SPRYD7: variants seen among roughly 807,000 people sequenced by gnomAD.
SPRYD7 encodes SPRY domain-containing protein 7.
SPRYD7 carries 14 observed loss-of-function variants against 23.8 expected under a neutral mutation model. That is an observed-to-expected ratio of 0.59 (90% CI 0.39 to 0.92). The LOEUF (loss-of-function observed/expected upper bound fraction) is 0.92, where lower values mean the gene tolerates loss of function less well. Ranked by LOEUF, SPRYD7 falls within the 40% of genes least tolerant of loss-of-function variation. The probability of loss-of-function intolerance (pLI) is 0.00; values close to 1 mark genes in which losing one functional copy is unlikely to be tolerated. For synonymous variants in SPRYD7, 75 were observed against 84.9 expected (o/e 0.88, Z 0.64); for missense variants, 194 against 241.7 (o/e 0.80, Z 1.31).
chr13:49,932,976 G>A (rs1425286958), intron 1 of SPRYD7, among the ~76,000 whole-genome samples: 1 of 152,116 alleles, frequency 6.6e-6, no homozygotes, highest in African/African-American at 2.4e-5. Context: ...CAACTGGAGA[G>A]CATCCTCCTT....
intron 1 of SPRYD7, among the ~76,000 whole-genome samples, chr13:49,932,029 T>C (rs1016605050): frequency 2.0e-5 from 3 of 152,254 alleles, no homozygotes; most frequent in African/African-American, 7.2e-5. Context: ...ACTAACTCTT[T>C]TAATTTTTAG....
At chr13:49,933,480 T>C (rs12100038) in intron 1 of SPRYD7, among the ~76,000 whole-genome samples, 26,787 of 151,486 alleles carry the variant, frequency 0.18, 2,704 homozygotes, top group African/African-American at 0.27. Flanking sequence ...TGGGCGCCTA[T>C]AGTCCCAGCT....
At chr13:49,918,122 C>T (rs779351046) in intron 4 of SPRYD7, among the ~76,000 whole-genome samples, 5 of 151,930 alleles carry the variant, frequency 3.3e-5, no homozygotes, top group East Asian at 3.9e-4. Flanking sequence ...TGCAGCGGCA[C>T]GATGATCACT....
Position 49,921,513 on chromosome 13 carries a change from G to C in SPRYD7, c.458C>G (p.Ser153Ter). The C allele has an allele frequency of 6.2e-7, 1 of 1,613,256 alleles. No homozygotes were observed. The highest frequency in any genetic ancestry group is 1.3e-5 in the African/African-American group (1 of 75,036). ...TGGATACACTGTCCCTCGTATACCT[G>C]ATGCTGGACAATGCATGTTTTTTCC... is the stretch of plus-strand genomic sequence containing the variant. ...LNGKNMHCPA[S>*]GIRGTVYPVV... Residue 153 changes from serine (S) to a stop codon, truncating the protein, a stop_gained, in exon 4 of 5, where the codon TCA (serine) becomes TGA (stop). Coordinates refer to ENST00000361840, the MANE Select transcript of SPRYD7 (RefSeq NM_020456.4). LOFTEE classifies it high-confidence loss of function.
chr13:49,923,655 CTTTCT>C (rs1378403007), intron 3 of SPRYD7, among the ~76,000 whole-genome samples: 1 of 146,212 alleles, frequency 6.8e-6, no homozygotes, highest in African/African-American at 2.6e-5. Flanking sequence ...CAAGTATTTT[CTTTCT>C]TTTTTTTTTT....
intron 1 of SPRYD7, among the ~76,000 whole-genome samples, chr13:49,931,915 T>C (rs1871401489): frequency 6.6e-6 from 1 of 152,244 alleles, no homozygotes; most frequent in Non-Finnish European, 1.5e-5. Context: ...ACCACTGCAC[T>C]CTAGCCTGGG....
intron 4 of SPRYD7, among the ~76,000 whole-genome samples, chr13:49,916,253 A>G (rs1955750145): frequency 6.6e-6 from 1 of 152,154 alleles, no homozygotes; most frequent in Admixed American, 6.5e-5. Context: ...AAAATGTTCT[A>G]TTTCTTGATC....
chr13:49,936,007 G>T, intron 1 of SPRYD7, 123 bp downstream of exon 1: 1 of 542,698 alleles, frequency 1.8e-6, no homozygotes, highest in Non-Finnish European at 3.1e-6. Flanking sequence ...GAGACGAAAT[G>T]GTGTCGGCGC....
At chr13:49,933,065 G>A (rs969893504) in intron 1 of SPRYD7, among the ~76,000 whole-genome samples, 1 of 152,176 alleles carries the variant, frequency 6.6e-6, no homozygotes, top group Admixed American at 6.5e-5. Flanking sequence ...AATATGCTGT[G>A]CTAAGCACTT....
At chr13:49,931,526 C>A (rs1955949503) in intron 1 of SPRYD7, among the ~76,000 whole-genome samples, 1 of 152,088 alleles carries the variant, frequency 6.6e-6, no homozygotes, top group Admixed American at 6.6e-5. Flanking sequence ...TTGTTCAGTT[C>A]TAACTCAGTC....
chr13:49,925,728 C>T lies in SPRYD7; in HGVS notation c.390+2191G>A, dbSNP rs190768019. Among the ~76,000 whole-genome samples the T allele has an allele frequency of 8.2e-3, 1,244 of 151,310 alleles. 17 individuals carry two copies. The highest frequency in any genetic ancestry group is 0.029 in the African/African-American group (1,178 of 41,184). On this transcript the variant is annotated intron_variant, in intron 3 of 4. Coordinates refer to ENST00000361840, the MANE Select transcript of SPRYD7 (RefSeq NM_020456.4). The stretch of plus-strand genomic sequence containing the variant: ...TCAGGAGGCTGAGGCAGGAGTATGG[C>T]GTGAACCCAGGAGGTGTAGCTTGCA...
At position 49,931,155 on chromosome 13, in the gene SPRYD7, C is replaced by G. The variant is rs149135015; in HGVS notation, c.107-21G>C. On this transcript the variant is annotated intron_variant, in intron 1 of 4. Transcript: ENST00000361840. Reference sequence around the variant, plus strand: ...TGTTCCTAAACAAAAAATGCAGACACTATGTAAAGTTTTGTATTTTCTTTT... The same window carrying G: ...TGTTCCTAAACAAAAAATGCAGACAGTATGTAAAGTTTTGTATTTTCTTTT... 1.8e-5 allele frequency: 25 copies of G among 1,428,410 alleles called. No individual in the cohort carries two copies. The East Asian group carries it at 5.7e-4, about 33-fold the overall frequency. 88.5% of individuals were successfully genotyped at this position (1,428,410 alleles called of 1,614,324 possible).
At chr13:49,933,553 G>A (rs1181164999) in intron 1 of SPRYD7, among the ~76,000 whole-genome samples, 1 of 147,562 alleles carries the variant, frequency 6.8e-6, no homozygotes, top group Non-Finnish European at 1.5e-5. Context: ...AGTGAGCTGA[G>A]ATCAGGCCAC....
intron 1 of SPRYD7, among the ~76,000 whole-genome samples, chr13:49,931,990 C>T (rs958651096): frequency 5.9e-5 from 9 of 152,168 alleles, no homozygotes; most frequent in Non-Finnish European, 1.0e-4. Flanking sequence ...TTATATTGAA[C>T]GTTCAAAACA....
At chr13:49,921,624 CAGAA>C in intron 3 of SPRYD7, 44 bp from the exon 4 acceptor site, 1 of 1,231,130 alleles carries the variant, frequency 8.1e-7, no homozygotes, top group Non-Finnish European at 1.2e-6. Flanking sequence ...GCTGAGCCGT[CAGAA>C]AGCATTGACT....
At chr13:49,926,209 C>T (rs1446657658) in intron 3 of SPRYD7, among the ~76,000 whole-genome samples, 1 of 152,176 alleles carries the variant, frequency 6.6e-6, no homozygotes, top group Non-Finnish European at 1.5e-5. Context: ...AATTTAACAA[C>T]ACTGACAGAC....
At chr13:49,933,304 G>T (rs966245950) in intron 1 of SPRYD7, among the ~76,000 whole-genome samples, 2 of 151,988 alleles carry the variant, frequency 1.3e-5, no homozygotes, top group Non-Finnish European at 2.9e-5. Flanking sequence ...GAGCACAATG[G>T]GATATAACAC....
At chr13:49,919,053 A>T (rs1370274467) in intron 4 of SPRYD7, among the ~76,000 whole-genome samples, 2 of 152,108 alleles carry the variant, frequency 1.3e-5, no homozygotes, top group African/African-American at 4.8e-5. Context: ...TAAGAACTTA[A>T]ATGAGAAAAT....
chr13:49,921,271 G>A (rs1955816356), intron 4 of SPRYD7, among the ~76,000 whole-genome samples: 1 of 152,146 alleles, frequency 6.6e-6, no homozygotes, highest in Admixed American at 6.5e-5. Flanking sequence ...GCCATGTGAA[G>A]AAGGATGTGT....
Sources: gnomAD v4.1 joint callset for allele counts (sites outside exome capture counted in the v4.1 genomes callset) on GRCh38, gnomAD v4.1.1 for gene constraint, MANE v1.5 for transcripts, NCBI Gene and HGNC (gene_info 2026-07-23, HGNC 2026-07-21) for gene names.